The following PARD3B variants were observed in gnomAD, a reference collection of about 807,000 sequenced individuals.
The protein encoded by PARD3B is partitioning defective 3 homolog B.
PARD3B carries 103 observed loss-of-function variants against 130.2 expected under a neutral mutation model. That is an observed-to-expected ratio of 0.79 (90% CI 0.67 to 0.93). The LOEUF (loss-of-function observed/expected upper bound fraction) is 0.93. Among genes scored for constraint, PARD3B ranks in the 40% least tolerant of loss-of-function variants. The pLI, the probability that PARD3B is intolerant of heterozygous loss-of-function variation, is 0.00. For missense variants in PARD3B, 1,609 were observed against 1,499.2 expected (o/e 1.07, Z -1.21); for synonymous variants, 583 against 553.2 (o/e 1.05, Z -0.76).
chr2:205,267,892 CA>C (rs1468035786), intron 16 of PARD3B, among the ~76,000 whole-genome samples: 3 of 152,144 alleles, frequency 2.0e-5, no homozygotes, highest in Non-Finnish European at 4.4e-5. Context: ...TAAAGAACCT[CA>C]AACATTTAAG....
chr2:204,614,840 GAAGC>G (rs2034051984), intron 1 of PARD3B, among the ~76,000 whole-genome samples: 1 of 152,142 alleles, frequency 6.6e-6, no homozygotes, highest in African/African-American at 2.4e-5. Flanking sequence ...GGTTTTCCCA[GAAGC>G]AGATGCTTGT....
chr2:204,956,704 A>G (rs887734500), intron 2 of PARD3B, among the ~76,000 whole-genome samples: 5 of 152,190 alleles, frequency 3.3e-5, no homozygotes, highest in African/African-American at 1.2e-4. Context: ...ATCATCTTTG[A>G]GAATCTTCCA....
At chr2:204,801,605 G>T (rs2042572564) in intron 2 of PARD3B, among the ~76,000 whole-genome samples, 1 of 152,186 alleles carries the variant, frequency 6.6e-6, no homozygotes, top group Non-Finnish European at 1.5e-5. Context: ...GAGATTTGGG[G>T]CTGAGACAAT....
chr2:204,553,715 A>C (rs2125046232), intron 1 of PARD3B, among the ~76,000 whole-genome samples: 1 of 137,742 alleles, frequency 7.3e-6, no homozygotes, highest in African/African-American at 2.8e-5. Flanking sequence ...TATATAAAGG[A>C]ATACACCTCA....
At chr2:205,346,064 G>A (rs1367357780) in intron 18 of PARD3B, among the ~76,000 whole-genome samples, 8 of 144,792 alleles carry the variant, frequency 5.5e-5, no homozygotes, top group East Asian at 4.2e-4. Flanking sequence ...CCAGCTACTC[G>A]GGAGGCTGAG....
At chr2:205,143,269 C>G (rs2033116553) in intron 10 of PARD3B, among the ~76,000 whole-genome samples, 2 of 152,096 alleles carry the variant, frequency 1.3e-5, no homozygotes, top group African/African-American at 4.8e-5. Flanking sequence ...AAAGATTCAT[C>G]CACTTGTGGT....
intron 18 of PARD3B, among the ~76,000 whole-genome samples, chr2:205,343,601 ACTTTCT>A (rs2043627845): frequency 6.6e-6 from 1 of 152,184 alleles, no homozygotes; most frequent in South Asian, 2.1e-4. Flanking sequence ...TAACATAAGC[ACTTTCT>A]CTGACCATCT....
chr2:205,567,090 T>C (rs895115522), intron 22 of PARD3B, among the ~76,000 whole-genome samples: 1 of 152,076 alleles, frequency 6.6e-6, no homozygotes, highest in African/African-American at 2.4e-5. Flanking sequence ...TTCAGAAATA[T>C]GCACTAAAAT....
rs148170984 is a variant in PARD3B at position 205,383,636 on chromosome 2, G to A, written c.2631-17377G>A. On this transcript the variant is annotated intron_variant, in intron 18 of 22. Coordinates refer to ENST00000406610, the MANE Select transcript of PARD3B (RefSeq NM_001302769.2). Reference sequence around the variant, plus strand: ...ATGTACATACGGTGAAATTCACTCTGTTGTATACAGTTCTATGGGTTTTAC... The same window carrying A: ...ATGTACATACGGTGAAATTCACTCTATTGTATACAGTTCTATGGGTTTTAC... Among the ~76,000 whole-genome samples, 59 of 152,110 alleles carry A rather than the reference G, an allele frequency of 3.9e-4. 1 individual carries two copies. The highest frequency in any genetic ancestry group is 1.3e-3 in the African/African-American group (52 of 41,534).
chr2:204,812,491 G>T (rs1402354330), intron 2 of PARD3B, among the ~76,000 whole-genome samples: 1 of 152,102 alleles, frequency 6.6e-6, no homozygotes, highest in Non-Finnish European at 1.5e-5. Flanking sequence ...CTTTGTCTTG[G>T]AGTTTTTATA....
rs1369020952 is a variant in PARD3B at position 205,047,590 on chromosome 2, T to G, written c.404T>G (p.Leu135Arg). ...TPSALKLGTP[L>R]LVRRSSDPVP... ...TCACTTTGTCTTCCAGGCACTCCAC[T>G]GCTGGTGAGGAGAAGCAGTGACCCA... The change falls in exon 4 of 23, where the codon CTG becomes CGG. Residue 135 changes from leucine (L) to arginine (R), a missense_variant. Coordinates refer to ENST00000406610, the MANE Select transcript of PARD3B (RefSeq NM_001302769.2). 6.5e-7 allele frequency: 1 copy of G among 1,549,474 alleles called. No individual in the cohort carries two copies. Among genetic ancestry groups the G allele is most frequent in the South Asian group, 1.2e-5 (1 of 83,958 alleles).
At chr2:205,140,416 G>A (rs551530734) in intron 10 of PARD3B, among the ~76,000 whole-genome samples, 16 of 147,072 alleles carry the variant, frequency 1.1e-4, no homozygotes, top group African/African-American at 1.5e-4. Context: ...ATGATTGAGC[G>A]TGGTATTGAG....
chr2:205,219,086 A>T (rs1667960104), intron 15 of PARD3B, among the ~76,000 whole-genome samples: 1 of 152,110 alleles, frequency 6.6e-6, no homozygotes, highest in South Asian at 2.1e-4. Context: ...TTTAAAAAAA[A>T]AAAAAAATGC....
chr2:205,526,821 T>G (rs992159), intron 21 of PARD3B, among the ~76,000 whole-genome samples: 115,556 of 152,178 alleles, frequency 0.76, 48,504 homozygotes, highest in Non-Finnish European at 0.92. Flanking sequence ...ATTGCCTTTA[T>G]TTTGCTGTTT....
rs1461088041 is a variant in PARD3B at position 204,610,537 on chromosome 2, G to A, written c.120+64418G>A. On this transcript the variant is annotated intron_variant, in intron 1 of 22. Transcript: ENST00000406610. The surrounding 1 kb of genome is among the most constrained non-coding windows in gnomAD (Gnocchi z 4.1). ...TGCCCAGCTAATTTTTGTATTTTTA[G>A]TAGAGACTGGGCTTTGCCATCTTGG... Among the ~76,000 whole-genome samples, 1 of 152,098 alleles carries A rather than the reference G, an allele frequency of 6.6e-6. No homozygotes were observed. Among genetic ancestry groups the A allele is most frequent in the Non-Finnish European group, 1.5e-5 (1 of 68,014 alleles).
At chr2:204,929,965 C>G (rs1687903400) in intron 2 of PARD3B, among the ~76,000 whole-genome samples, 1 of 151,910 alleles carries the variant, frequency 6.6e-6, no homozygotes, top group Non-Finnish European at 1.5e-5. Context: ...TTACTTGTAT[C>G]TATTTACTTG....
intron 2 of PARD3B, among the ~76,000 whole-genome samples, chr2:204,720,134 T>C (rs2038927725): frequency 6.6e-6 from 1 of 152,214 alleles, no homozygotes; most frequent in Non-Finnish European, 1.5e-5. Context: ...GGTGTTTGGA[T>C]TAATTATACT....
chr2:205,070,640 A>G (rs1700667773), intron 4 of PARD3B, among the ~76,000 whole-genome samples: 1 of 152,180 alleles, frequency 6.6e-6, no homozygotes, highest in Non-Finnish European at 1.5e-5. Context: ...TATGTATAAG[A>G]TCAAAAGATA....
intron 2 of PARD3B, among the ~76,000 whole-genome samples, chr2:204,884,211 A>G (rs546448883): frequency 3.3e-5 from 5 of 152,318 alleles, no homozygotes; most frequent in Non-Finnish European, 5.9e-5. Context: ...AGAAGAGCCA[A>G]TGGGGTGAAA....
Sources: gnomAD v4.1 joint callset for allele counts (sites outside exome capture counted in the v4.1 genomes callset) on GRCh38, gnomAD v4.1.1 for gene constraint, Gnocchi (gnomAD v3.1) non-coding constraint, MANE v1.5 for transcripts, NCBI Gene and HGNC (gene_info 2026-07-23, HGNC 2026-07-21) for gene names.